EPB41L5: variants seen among roughly 807,000 people sequenced by gnomAD.
The protein encoded by EPB41L5 is band 4.1-like protein 5.
Under a neutral mutation model 106.6 loss-of-function variants are expected in EPB41L5, and 55 were observed. That is an observed-to-expected ratio of 0.52 (90% CI 0.42 to 0.65). The LOEUF is 0.65. Among genes scored for constraint, EPB41L5 ranks in the 30% least tolerant of loss-of-function variants. The probability of loss-of-function intolerance (pLI) is 0.00; values close to 1 mark genes in which losing one functional copy is unlikely to be tolerated. For missense variants in EPB41L5, 871 were observed against 882.1 expected (o/e 0.99, Z 0.16); for synonymous variants, 297 against 306.7 (o/e 0.97, Z 0.33).
chr2:120,104,397 A>G (rs1684328639), intron 16 of EPB41L5: 2 of 1,392,626 alleles, frequency 1.4e-6, no homozygotes, highest in African/African-American at 1.5e-5. Flanking sequence ...TTCTTCCATG[A>G]AAGGGACAAG....
intron 16 of EPB41L5, chr2:120,104,215 G>A (rs1293167938): frequency 2.0e-6 from 3 of 1,535,602 alleles, no homozygotes; most frequent in African/African-American, 1.4e-5. Flanking sequence ...CATTTTCCTG[G>A]CCATACAGCC....
At chr2:120,043,048 T>TGTGTGTG (rs1679516193) in intron 3 of EPB41L5, among the ~76,000 whole-genome samples, 3 of 112,144 alleles carry the variant, frequency 2.7e-5, no homozygotes, top group African/African-American at 1.0e-4. Context: ...TGTGTGTGTG[T>TGTGTGTG]TTAGAGGGGA....
At chr2:120,117,291 C>A (rs1020676683) in intron 16 of EPB41L5, among the ~76,000 whole-genome samples, 1 of 152,172 alleles carries the variant, frequency 6.6e-6, no homozygotes. Flanking sequence ...TAAACAGTTT[C>A]AGAATTGCTA....
At chr2:120,023,907 A>T (rs1169676614) in intron 2 of EPB41L5, among the ~76,000 whole-genome samples, 1 of 152,046 alleles carries the variant, frequency 6.6e-6, no homozygotes, top group Non-Finnish European at 1.5e-5. Context: ...ATCTCTTGTG[A>T]GTTGTATTCC....
chr2:120,043,183 G>T (rs897734924), intron 3 of EPB41L5, among the ~76,000 whole-genome samples: 11 of 152,006 alleles, frequency 7.2e-5, no homozygotes, highest in Admixed American at 2.6e-4. Flanking sequence ...GCATATGGCA[G>T]CAGGGTATTG....
chr2:120,134,774 C>T (rs1252021444), intron 18 of EPB41L5, among the ~76,000 whole-genome samples: 1 of 152,142 alleles, frequency 6.6e-6, no homozygotes, highest in Non-Finnish European at 1.5e-5. Context: ...CTGGAGTGAC[C>T]AAAAACTTGT....
At chr2:120,080,890 C>T (rs1287242112) in intron 10 of EPB41L5, among the ~76,000 whole-genome samples, 1 of 152,168 alleles carries the variant, frequency 6.6e-6, no homozygotes, top group African/African-American at 2.4e-5. Flanking sequence ...TGTCTGTTGG[C>T]TGCATAAATG....
intron 3 of EPB41L5, among the ~76,000 whole-genome samples, chr2:120,060,555 A>G (rs1414142611): frequency 6.6e-6 from 1 of 152,258 alleles, no homozygotes. Flanking sequence ...AACATTCTTG[A>G]AATGACACAA....
chr2:120,161,843 C>G (rs1048785863), intron 21 of EPB41L5, among the ~76,000 whole-genome samples: 2 of 152,116 alleles, frequency 1.3e-5, no homozygotes, highest in African/African-American at 4.8e-5. Flanking sequence ...GTTGCTCACT[C>G]CTTATAAGGA....
At chr2:120,163,044 G>C (rs1438173047) in intron 21 of EPB41L5, among the ~76,000 whole-genome samples, 1 of 152,138 alleles carries the variant, frequency 6.6e-6, no homozygotes, top group Non-Finnish European at 1.5e-5. Context: ...TTGAGGCCAG[G>C]AGTTTGAGAT....
Position 120,104,408 on chromosome 2 carries a change from G to A in EPB41L5, c.1337+3594G>A, listed in dbSNP as rs1574676857. The A allele has an allele frequency of 5.8e-6, 8 of 1,385,452 alleles. No homozygotes were observed. In the African/African-American group the frequency reaches 5.8e-5, roughly 10 times the overall value. The allele number at this position is 1,385,452 out of a possible 1,614,324, so 85.8% of individuals were successfully genotyped here. A position where few individuals can be genotyped will look rare whatever the true frequency, so the allele number is the denominator to read the frequency against. Reference sequence around the variant, plus strand: ...TGAATTCTTCCATGAAAGGGACAAGGAATCAAGGAAGCCATATAGCATCAA... The same window carrying A: ...TGAATTCTTCCATGAAAGGGACAAGAAATCAAGGAAGCCATATAGCATCAA... On this transcript the variant is annotated intron_variant, in intron 16 of 24. Transcript: ENST00000263713.
intron 11 of EPB41L5, among the ~76,000 whole-genome samples, chr2:120,089,265 A>G (rs1683254951): frequency 6.6e-6 from 1 of 152,106 alleles, no homozygotes; most frequent in South Asian, 2.1e-4. Context: ...GTTCTCTTTT[A>G]GAGAAAGATA....
At chr2:120,065,194 G>GC (rs1000260324) in intron 3 of EPB41L5, among the ~76,000 whole-genome samples, 11 of 151,980 alleles carry the variant, frequency 7.2e-5, no homozygotes, top group African/African-American at 2.7e-4. Flanking sequence ...TTCCCTTGAA[G>GC]CCCCAAACTA....
chr2:120,167,894 T>G lies in EPB41L5; in HGVS notation c.2022T>G (p.Ser674=), dbSNP rs1687487057. The G allele has an allele frequency of 6.2e-7, 1 of 1,614,152 alleles. No individual in the cohort carries two copies. Among genetic ancestry groups the G allele is most frequent in the Non-Finnish European group, 8.5e-7 (1 of 1,180,012 alleles). The change falls in exon 24 of 25, where the codon TCT becomes TCG. Residue 674 remains serine (S), a synonymous_variant. Transcript: ENST00000263713. ...RWIVPQSGAM[S]NGLAGCEMLL... ...TCCCACAGCAGAGTGGTGCCATGTCTAATGGACTTGCGGGATGTGAAATGC... is the reference window on the plus strand; with the variant it reads ...TCCCACAGCAGAGTGGTGCCATGTCGAATGGACTTGCGGGATGTGAAATGC...
chr2:120,105,897 A>G (rs577925678), intron 16 of EPB41L5: 4 of 985,166 alleles, frequency 4.1e-6, no homozygotes, highest in African/African-American at 1.7e-5. Flanking sequence ...AAAAGGTTTC[A>G]TGGGTATGTA....
intron 16 of EPB41L5, among the ~76,000 whole-genome samples, chr2:120,112,577 A>G (rs947890209): frequency 1.3e-5 from 2 of 152,202 alleles, no homozygotes; most frequent in Non-Finnish European, 2.9e-5. Context: ...GCTTCTTGGC[A>G]TTTGCATCAG....
In EPB41L5 at chr2:120,074,117, C is replaced by G. The variant is rs1236111642; in HGVS notation, c.346C>G (p.Leu116Val). The G allele has an allele frequency of 8.7e-6, 14 of 1,609,884 alleles. No individual in the cohort carries two copies. The highest frequency in any genetic ancestry group is 1.1e-5 in the Non-Finnish European group (13 of 1,178,094). Residue 116 changes from leucine to valine, a missense_variant, in exon 5 of 25, where the codon CTG becomes GTG. By Grantham distance (32) the Leu-to-Val change is conservative. Transcript: ENST00000263713. ...KQVKIGSPYC[L>V]HLRVKFYSSE... Reference sequence around the variant, plus strand: ...AATGACAGTTGGTTCACCCTATTGTCTGCATCTTCGAGTTAAGTTTTATTC... The same window carrying G: ...AATGACAGTTGGTTCACCCTATTGTGTGCATCTTCGAGTTAAGTTTTATTC...
intron 14 of EPB41L5, among the ~76,000 whole-genome samples, chr2:120,093,671 A>G (rs1364533881): frequency 2.6e-5 from 4 of 152,298 alleles, no homozygotes; most frequent in East Asian, 1.9e-4. Context: ...TTTATGTTAT[A>G]TGTTGCTGGA....
At chr2:120,031,981 A>C (rs766404670) in intron 2 of EPB41L5, among the ~76,000 whole-genome samples, 3 of 152,032 alleles carry the variant, frequency 2.0e-5, no homozygotes, top group Admixed American at 6.6e-5. Context: ...TACAAAAAAA[A>C]TTTTTTTTAA....
Sources: gnomAD v4.1 joint callset for allele counts (sites outside exome capture counted in the v4.1 genomes callset) on GRCh38, gnomAD v4.1.1 for gene constraint, MANE v1.5 for transcripts, NCBI Gene and HGNC (gene_info 2026-07-23, HGNC 2026-07-21) for gene names.